Variants in SULF1 observed in about 807,000 individuals in gnomAD.
SULF1 encodes the protein sulfatase 1, also known as extracellular sulfatase Sulf-1.
A neutral mutation model predicts 110.5 loss-of-function variants in SULF1; 46 were observed. The observed-to-expected ratio is 0.42, with a 90% CI of 0.33 to 0.53. The LOEUF (loss-of-function observed/expected upper bound fraction) is 0.53, where lower values mean the gene tolerates loss of function less well. Among genes scored for constraint, SULF1 ranks in the 20% least tolerant of loss-of-function variants. The pLI, the probability that SULF1 is intolerant of heterozygous loss-of-function variation, is 0.12. For missense variants in SULF1, 941 were observed against 1,094.2 expected (o/e 0.86, Z 1.98); for synonymous variants, 371 against 387.1 (o/e 0.96, Z 0.49).
At chr8:69,603,684 G>A in intron 12 of SULF1, 28 bp downstream of exon 12, 7 of 1,532,924 alleles carry the variant, frequency 4.6e-6, no homozygotes, top group Non-Finnish European at 5.4e-6. Flanking sequence ...GGGTGCTTCT[G>A]GGAACCAGTC....
chr8:69,533,038 C>T (rs1414646112), intron 3 of SULF1, among the ~76,000 whole-genome samples: 1 of 152,140 alleles, frequency 6.6e-6, no homozygotes, highest in Non-Finnish European at 1.5e-5. Context: ...GCCACATGAT[C>T]AAGAACACTT....
rs373924342 is a variant in SULF1 at position 69,478,985 on chromosome 8, G to T, written c.-391+12035G>T. Among the ~76,000 whole-genome samples the T allele has an allele frequency of 2.0e-5, 3 of 152,084 alleles. 1 individual carries two copies. ...TCAGCAGCACATTCACAACTACCCC[G>T]GGCATTCTTTTGACAATGTGGAAGG... On this transcript the variant is annotated intron_variant, in intron 1 of 22. Coordinates refer to the SULF1 transcript ENST00000260128.
At chr8:69,545,381 A>G (rs1419828399) in intron 3 of SULF1, among the ~76,000 whole-genome samples, 1 of 152,180 alleles carries the variant, frequency 6.6e-6, no homozygotes, top group Non-Finnish European at 1.5e-5. Flanking sequence ...TAGTTAGGAG[A>G]TATAATTGGG....
At chr8:69,605,440 A>G (rs1280653855) in intron 13 of SULF1, among the ~76,000 whole-genome samples, 1 of 152,208 alleles carries the variant, frequency 6.6e-6, no homozygotes, top group Non-Finnish European at 1.5e-5. Flanking sequence ...TATTGTTCCT[A>G]CTTCTGCTCA....
intron 8 of SULF1, among the ~76,000 whole-genome samples, chr8:69,592,564 T>C (rs1024076845): frequency 2.6e-5 from 4 of 152,174 alleles, no homozygotes; most frequent in Non-Finnish European, 1.5e-5. Context: ...GTGCTTTCTT[T>C]AATCTCTGGA....
At chr8:69,590,916 G>T (rs1298037088) in intron 8 of SULF1, among the ~76,000 whole-genome samples, 1 of 152,118 alleles carries the variant, frequency 6.6e-6, no homozygotes, top group Non-Finnish European at 1.5e-5. Flanking sequence ...AGTCCTGCGG[G>T]CTTTTTCAAT....
intron 8 of SULF1, among the ~76,000 whole-genome samples, chr8:69,592,547 T>A (rs1194418944): frequency 6.6e-6 from 1 of 152,096 alleles, no homozygotes; most frequent in African/African-American, 2.4e-5. Flanking sequence ...CCTCACTGAG[T>A]GTAGGGGTGC....
At chr8:69,584,952 A>G (rs1195275293) in intron 6 of SULF1, among the ~76,000 whole-genome samples, 1 of 152,248 alleles carries the variant, frequency 6.6e-6, no homozygotes, top group Non-Finnish European at 1.5e-5. Context: ...AAAGTGCTGC[A>G]ATTCTAGAAT....
rs142621294 is a variant in SULF1, at chr8:69,612,824, A to G, written c.1377+7892A>G. On this transcript the variant is annotated intron_variant, in intron 13 of 22. Coordinates refer to ENST00000402687, the MANE Select transcript of SULF1 (RefSeq NM_001128205.2). ...GGGTTGTCTGTTTACTCTGCTGATT[A>G]TTTCTTTTGCTGCGCAGAAGGTTTT... Among the ~76,000 whole-genome samples the G allele has an allele frequency of 4.0e-4, 61 of 152,218 alleles. No individual in the cohort carries two copies. The East Asian group carries it at 6.8e-3, about 17-fold the overall frequency.
chr8:69,574,847 C>T (rs142581945), intron 5 of SULF1, among the ~76,000 whole-genome samples: 25 of 152,310 alleles, frequency 1.6e-4, no homozygotes, highest in East Asian at 5.8e-4. Flanking sequence ...AAACCCTCCT[C>T]CTGTTCTCAT....
intron 1 of SULF1, among the ~76,000 whole-genome samples, chr8:69,487,641 C>A (rs1809762239): frequency 6.6e-6 from 1 of 152,110 alleles, no homozygotes; most frequent in South Asian, 2.1e-4. Context: ...TTCAACTGAA[C>A]CAAGAATATA....
chr8:69,562,054 T>C (rs1217316662), intron 3 of SULF1, among the ~76,000 whole-genome samples: 2 of 152,220 alleles, frequency 1.3e-5, no homozygotes, highest in African/African-American at 2.4e-5. Context: ...ATTGGAGCTG[T>C]CTTGTTTGTT....
chr8:69,627,322 G>A lies in SULF1; in HGVS notation c.1947+16G>A, dbSNP rs1446720804. 6.3e-7 allele frequency: 1 copy of A among 1,599,302 alleles called. No individual in the cohort carries two copies. The highest frequency in any genetic ancestry group is 1.7e-5 in the Admixed American group (1 of 59,940). On this transcript the variant is annotated intron_variant, in intron 16 of 22. Transcript: ENST00000402687. ...TGACAAAGAGGTTAGCCATGGCTAT[G>A]TGACTGTCAGATATATTCCAAACTC...
chr8:69,603,204 C>A lies in SULF1; in HGVS notation c.1074C>A (p.Ile358=), dbSNP rs752308637. ...SVEPGSIVPQ[I]VLNIDLAPTI... is the part of the protein sequence containing the mutation. ...TGCCCCTTTACAGAGTCCCACAGAT[C>A]GTTCTCAACATTGACTTGGCCCCCA... Residue 358 remains isoleucine (I), a synonymous_variant, in exon 11 of 23, where the codon ATC becomes ATA. Coordinates refer to ENST00000402687, the MANE Select transcript of SULF1 (RefSeq NM_001128205.2). The A allele has an allele frequency of 3.7e-6, 6 of 1,614,008 alleles. No homozygotes were observed. The highest frequency in any genetic ancestry group is 2.2e-5 in the East Asian group (1 of 44,896).
At chr8:69,528,555 C>T (rs1052021766) in intron 3 of SULF1, among the ~76,000 whole-genome samples, 1 of 152,158 alleles carries the variant, frequency 6.6e-6, no homozygotes, top group Admixed American at 6.5e-5. Flanking sequence ...TAAACTCTGA[C>T]CAGAAAACTG....
intron 13 of SULF1, among the ~76,000 whole-genome samples, chr8:69,615,255 G>A (rs1335807048): frequency 2.0e-5 from 3 of 152,274 alleles, no homozygotes; most frequent in Admixed American, 6.5e-5. Flanking sequence ...GAGTTTCAGA[G>A]CAATTCTTTT....
intron 6 of SULF1, among the ~76,000 whole-genome samples, chr8:69,578,803 G>A (rs555619200): frequency 5.7e-4 from 86 of 152,172 alleles, no homozygotes; most frequent in African/African-American, 2.0e-3. Context: ...AATTTATAGT[G>A]AGTCAACCTC....
intron 3 of SULF1, among the ~76,000 whole-genome samples, chr8:69,542,249 T>C (rs1225532459): frequency 6.6e-6 from 1 of 152,082 alleles, no homozygotes; most frequent in Non-Finnish European, 1.5e-5. Context: ...GGCTTCACAG[T>C]GTTTAAATAT....
intron 3 of SULF1, among the ~76,000 whole-genome samples, chr8:69,508,294 G>A (rs886688325): frequency 2.6e-5 from 4 of 152,030 alleles, no homozygotes; most frequent in Admixed American, 1.3e-4. Context: ...TGGTAGAGAC[G>A]GGGTTTCTCC....
Sources: gnomAD v4.1 joint callset for allele counts (sites outside exome capture counted in the v4.1 genomes callset) on GRCh38, gnomAD v4.1.1 for gene constraint, MANE v1.5 for transcripts, NCBI Gene and HGNC (gene_info 2026-07-23, HGNC 2026-07-21) for gene names.